Variants in ARMC9 observed in about 807,000 individuals in gnomAD.
ARMC9 encodes lisH domain-containing protein ARMC9.
ARMC9 carries 94 observed loss-of-function variants against 107.0 expected under a neutral mutation model. The ratio of observed to expected loss-of-function variants is 0.88; its 90% confidence interval spans 0.74 to 1.04. ARMC9 has a LOEUF of 1.04. ARMC9 is among the 50% of genes least tolerant of loss of function. The probability of loss-of-function intolerance (pLI) is 0.00; values close to 1 mark genes in which losing one functional copy is unlikely to be tolerated. For missense variants in ARMC9, 942 were observed against 1,030.1 expected, an observed-to-expected ratio of 0.91 and a Z score of 1.17; for synonymous variants, 380 against 396.9, an observed-to-expected ratio of 0.96 and a Z score of 0.51.
intron 17 of ARMC9, among the ~76,000 whole-genome samples, chr2:231,288,245 TAAG>T (rs1266554555): frequency 3.9e-5 from 6 of 152,272 alleles, no homozygotes; most frequent in East Asian, 3.9e-4. Flanking sequence ...TAAAGTTAAA[TAAG>T]AAGCAACATA....
intron 21 of ARMC9, among the ~76,000 whole-genome samples, chr2:231,351,919 C>T (rs1398046531): frequency 2.0e-5 from 3 of 152,102 alleles, no homozygotes; most frequent in African/African-American, 7.2e-5. Flanking sequence ...TCTTAGTCCT[C>T]TTGAGGACAC....
chr2:231,305,731 T>TG (rs946294397), intron 19 of ARMC9, among the ~76,000 whole-genome samples: 2 of 152,080 alleles, frequency 1.3e-5, no homozygotes, highest in African/African-American at 2.4e-5. Context: ...TTTTGGGTGG[T>TG]GGGGGGAGAA....
chr2:231,217,414 T>A (rs1270556367), intron 5 of ARMC9, among the ~76,000 whole-genome samples: 2 of 151,962 alleles, frequency 1.3e-5, no homozygotes, highest in Non-Finnish European at 2.9e-5. Flanking sequence ...GGAGACCCCG[T>A]CTCTACTAAA....
At chr2:231,269,074 A>G (rs1376826180) in intron 12 of ARMC9, among the ~76,000 whole-genome samples, 2 of 152,140 alleles carry the variant, frequency 1.3e-5, no homozygotes, top group African/African-American at 4.8e-5. Flanking sequence ...CAAAAAATTT[A>G]AAAAAAGAAA....
At chr2:231,270,788 A>G in intron 12 of ARMC9, 194 bp from the exon 13 acceptor site, 1 of 695,346 alleles carries the variant, frequency 1.4e-6, no homozygotes, top group Non-Finnish European at 2.7e-6. Flanking sequence ...AAGTCTGACT[A>G]ACTTATTTTT....
chr2:231,270,979 C>T lies in ARMC9; in HGVS notation c.1120-3C>T. On this transcript the variant is annotated splice_region_variant and splice_polypyrimidine_tract_variant and intron_variant, in intron 12 of 24. Transcript: ENST00000611582. The stretch of plus-strand genomic sequence containing the variant: ...TGTTTTTCCTCTTGACGTTTTCCCC[C>T]AGAGGAGTGTGCTTCAGTTGCTGCA... 1.2e-6 allele frequency: 2 copies of T among 1,613,894 alleles called. No individual in the cohort carries two copies. The highest frequency in any genetic ancestry group is 1.7e-6 in the Non-Finnish European group (2 of 1,179,840).
intron 5 of ARMC9, among the ~76,000 whole-genome samples, chr2:231,219,968 T>C (rs917967514): frequency 2.6e-5 from 4 of 152,180 alleles, no homozygotes; most frequent in African/African-American, 9.7e-5. Flanking sequence ...GTAGCTAGAC[T>C]ATAGGCGTGC....
At chr2:231,256,414 G>A in intron 9 of ARMC9, 172 bp from the exon 10 acceptor site, 3 of 1,158,968 alleles carry the variant, frequency 2.6e-6, no homozygotes, top group Non-Finnish European at 3.8e-6. Context: ...GAATTGAGAT[G>A]CTCCTTTAAA....
chr2:231,348,728 C>T (rs575027918), intron 21 of ARMC9, among the ~76,000 whole-genome samples: 20 of 152,154 alleles, frequency 1.3e-4, no homozygotes, highest in Non-Finnish European at 2.6e-4. Flanking sequence ...GCTCAAACAA[C>T]TCTATAGGAA....
chr2:231,297,754 T>G lies in ARMC9; in HGVS notation c.1773+1501T>G, dbSNP rs913374903. 5.3e-5 allele frequency among the ~76,000 whole-genome samples: 8 copies of G among 152,234 alleles called. No homozygotes were observed. Among genetic ancestry groups the G allele is most frequent in the Non-Finnish European group, 8.8e-5 (6 of 68,044 alleles). ...TTGGGCAGCCTTCTCTTGATTATAA[T>G]GAGTCACCACCTTTGTGCCTGGCCC... On this transcript the variant is annotated intron_variant, in intron 19 of 24. Transcript: ENST00000611582. This position sits in a 1 kb window ranked among gnomAD's most constrained non-coding sequence, Gnocchi z 4.2.
chr2:231,291,997 C>T (rs534988424), intron 18 of ARMC9, among the ~76,000 whole-genome samples: 10 of 149,700 alleles, frequency 6.7e-5, no homozygotes, highest in Middle Eastern at 3.6e-3. Context: ...GGTGAAACCC[C>T]GTCTCTACTA....
rs1365831022 is a variant in ARMC9 at position 231,239,948 on chromosome 2, C to A, written c.786C>A (p.Thr262=). 6 of 1,613,878 alleles carry A rather than the reference C, an allele frequency of 3.7e-6. No homozygotes were observed. Among genetic ancestry groups the A allele is most frequent in the Non-Finnish European group, 5.1e-6 (6 of 1,179,828 alleles). The change falls in exon 9 of 25, where the codon ACC becomes ACA. Residue 262 remains threonine, a synonymous_variant. Transcript: ENST00000611582. ...LEATVSGKMI[T]PEYLQSVCVR... is the part of the protein sequence containing the mutation. ...TCTTTGTATCCTCCTTGCAGATCACCCCTGAGTACCTCCAGAGCGTCTGTG... is the reference window on the plus strand; with the variant it reads ...TCTTTGTATCCTCCTTGCAGATCACACCTGAGTACCTCCAGAGCGTCTGTG...
chr2:231,337,492 CAG>C (rs1266273059), intron 20 of ARMC9, among the ~76,000 whole-genome samples: 1 of 98,062 alleles, frequency 1.0e-5, no homozygotes, highest in Non-Finnish European at 1.9e-5. Flanking sequence ...TTTTTTGAGA[CAG>C]AGTCTCGCTC....
chr2:231,355,672 T>A, intron 21 of ARMC9, 126 bp from the exon 22 acceptor site: 1 of 1,199,354 alleles, frequency 8.3e-7, no homozygotes, highest in Non-Finnish European at 1.1e-6. Context: ...TCTGATATGC[T>A]AATGATGGTT....
At chr2:231,249,372 CAGTCTCCAGTT>C in intron 9 of ARMC9, among the ~76,000 whole-genome samples, 1 of 152,246 alleles carries the variant, frequency 6.6e-6, no homozygotes, top group East Asian at 1.9e-4. Context: ...TGAGTCCAGT[CAGTCTCCAGTT>C]AGATCGGACC....
At chr2:231,289,530 TCTC>T (rs1260913806) in intron 17 of ARMC9, among the ~76,000 whole-genome samples, 1 of 152,176 alleles carries the variant, frequency 6.6e-6, no homozygotes, top group African/African-American at 2.4e-5. Flanking sequence ...TTGATAACTT[TCTC>T]CTTCCTGTGG....
chr2:231,310,692 T>A lies in ARMC9; in HGVS notation c.1773+14439T>A, dbSNP rs987674581. Reference sequence around the variant, plus strand: ...GAACGGAGGTTGCAGTGAGCCGAGATTGTGCCATTGCACTCCAGCCTGGGC... The same window carrying A: ...GAACGGAGGTTGCAGTGAGCCGAGAATGTGCCATTGCACTCCAGCCTGGGC... On this transcript the variant is annotated intron_variant, in intron 19 of 24. Transcript: ENST00000611582. Among the ~76,000 whole-genome samples, 6 of 151,486 alleles carry A rather than the reference T, an allele frequency of 4.0e-5. No homozygotes were observed. The South Asian group carries it at 8.4e-4, about 21-fold the overall frequency.
chr2:231,214,591 G>A (rs2033281166), intron 3 of ARMC9, among the ~76,000 whole-genome samples: 1 of 152,148 alleles, frequency 6.6e-6, no homozygotes. Context: ...CCATTTCAAA[G>A]ACCTTAAATG....
chr2:231,264,257 C>T (rs1338396909), intron 12 of ARMC9, among the ~76,000 whole-genome samples: 1 of 152,176 alleles, frequency 6.6e-6, no homozygotes, highest in Admixed American at 6.5e-5. Flanking sequence ...CAGCTCACTG[C>T]AACCTCTACC....
Sources: allele counts gnomAD v4.1 joint callset (sites outside exome capture counted in the v4.1 genomes callset), GRCh38; gene constraint gnomAD v4.1.1; non-coding constraint Gnocchi (gnomAD v3.1); transcripts MANE v1.5; gene names NCBI Gene and HGNC (gene_info 2026-07-23, HGNC 2026-07-21).